SP110: variants seen among roughly 807,000 people sequenced by gnomAD.
SP110 encodes SP110 nuclear body protein.
A neutral mutation model predicts 92.7 loss-of-function variants in SP110; 62 were observed. The observed-to-expected ratio is 0.67, with a 90% CI of 0.55 to 0.83. The LOEUF (loss-of-function observed/expected upper bound fraction) is 0.83, where lower values mean the gene tolerates loss of function less well. SP110 is among the 40% of genes least tolerant of loss of function. SP110 has a pLI of 0.00. For synonymous variants in SP110, 273 were observed against 305.3 expected (o/e 0.89, Z 1.10); for missense variants, 793 against 863.9 (o/e 0.92, Z 1.03).
chr2:230,175,379 A>C (rs1313871877), intron 14 of SP110, among the ~76,000 whole-genome samples: 2 of 135,718 alleles, frequency 1.5e-5, no homozygotes, highest in Non-Finnish European at 1.7e-5. Context: ...ATTCTATAAG[A>C]AAAGTTTAAA....
intron 18 of SP110, among the ~76,000 whole-genome samples, chr2:230,170,413 A>G (rs1011320662): frequency 6.6e-6 from 1 of 151,864 alleles, no homozygotes; most frequent in Non-Finnish European, 1.5e-5. Context: ...CTTCTGTTCC[A>G]GAGATCCCTC....
At chr2:230,184,976 C>A (rs2042289943) in intron 11 of SP110, among the ~76,000 whole-genome samples, 1 of 152,224 alleles carries the variant, frequency 6.6e-6, no homozygotes. Flanking sequence ...GTATTTGCCT[C>A]TGGCTGCTGT....
At chr2:230,196,663 G>C (rs1284048868) in intron 10 of SP110, among the ~76,000 whole-genome samples, 1 of 151,736 alleles carries the variant, frequency 6.6e-6, no homozygotes, top group Non-Finnish European at 1.5e-5. Flanking sequence ...TTTAGCATTA[G>C]GTATATCTCC....
intron 11 of SP110, among the ~76,000 whole-genome samples, chr2:230,184,066 A>T (rs1047715782): frequency 6.6e-6 from 1 of 152,206 alleles, no homozygotes; most frequent in African/African-American, 2.4e-5. Flanking sequence ...GGCTGCGTAT[A>T]CAGCAGGACA....
rs952887597 is a variant in SP110 at position 230,168,351 on chromosome 2, G to A, written c.*773C>T. 1.3e-5 allele frequency: 2 copies of A among 151,650 alleles called. No homozygotes were observed. Among genetic ancestry groups the A allele is most frequent in the East Asian group, 1.9e-4 (1 of 5,192 alleles). The allele number at this position is 151,650 out of a possible 1,614,324, so 9.4% of individuals were successfully genotyped here. A position where few individuals can be genotyped will look rare whatever the true frequency, so the allele number is the denominator to read the frequency against. Reference sequence around the variant, plus strand: ...GTACAACCTGTATTTCAAGGTAACCGAATACTGTTAAAGAGAAGCTATTTG... The same window carrying A: ...GTACAACCTGTATTTCAAGGTAACCAAATACTGTTAAAGAGAAGCTATTTG... On this transcript the variant is annotated 3_prime_UTR_variant, in exon 19 of 19. Coordinates refer to ENST00000258381, the MANE Select transcript of SP110 (RefSeq NM_080424.4).
chr2:230,223,663 C>A (rs1316449280), upstream of SP110, among the ~76,000 whole-genome samples: 1 of 152,188 alleles, frequency 6.6e-6, no homozygotes, highest in Non-Finnish European at 1.5e-5. Context: ...GACATAAAAA[C>A]AGTGAACATC....
chr2:230,172,761 C>T (rs2078480319), intron 15 of SP110, 83 bp downstream of exon 15: 3 of 916,748 alleles, frequency 3.3e-6, no homozygotes, highest in East Asian at 2.5e-5. Context: ...GCGTCACACC[C>T]TCGTCCCCGA....
intron 7 of SP110, among the ~76,000 whole-genome samples, chr2:230,209,730 C>T (rs748669086): frequency 6.6e-6 from 1 of 152,116 alleles, no homozygotes; most frequent in Non-Finnish European, 1.5e-5. Context: ...ATTTCAATAC[C>T]CCCAAATGCC....
Position 230,200,979 on chromosome 2 carries a change from G to T in SP110, c.1049-14C>A. 1 of 1,602,404 alleles carries T rather than the reference G, an allele frequency of 6.2e-7. No homozygotes were observed. Among genetic ancestry groups the T allele is most frequent in the Non-Finnish European group, 8.6e-7 (1 of 1,169,286 alleles). Reference sequence around the variant, plus strand: ...CATCAATGATCTCTGGAAAATGAAAGATCTTAGTAAATGCCCCTTGGGAAA... The same window carrying T: ...CATCAATGATCTCTGGAAAATGAAATATCTTAGTAAATGCCCCTTGGGAAA... On this transcript the variant is annotated splice_polypyrimidine_tract_variant and intron_variant, in intron 9 of 18. Coordinates refer to ENST00000258381, the MANE Select transcript of SP110 (RefSeq NM_080424.4).
At chr2:230,191,722 A>G (rs936656505) in intron 10 of SP110, among the ~76,000 whole-genome samples, 1 of 152,184 alleles carries the variant, frequency 6.6e-6, no homozygotes, top group African/African-American at 2.4e-5. Flanking sequence ...AGCTGGTACC[A>G]TTACTTCTGA....
intron 10 of SP110, among the ~76,000 whole-genome samples, chr2:230,192,581 T>C (rs1248902956): frequency 6.6e-6 from 1 of 152,024 alleles, no homozygotes; most frequent in African/African-American, 2.4e-5. Flanking sequence ...TAACAGAGGA[T>C]GGGAAGGACC....
rs975851682 is a variant in SP110, at chr2:230,166,083, G to A, written c.*3041C>T. ...TAATTTTTGTATTTTTAGTAGAGAC[G>A]GGGTTTCACCACGTTGGTCAGGCTG... On this transcript the variant is annotated 3_prime_UTR_variant, in exon 19 of 19. Transcript: ENST00000258381. 2.0e-5 allele frequency among the ~76,000 whole-genome samples: 3 copies of A among 152,076 alleles called. No homozygotes were observed. Among genetic ancestry groups the A allele is most frequent in the East Asian group, 1.9e-4 (1 of 5,166 alleles).
intron 18 of SP110, among the ~76,000 whole-genome samples, chr2:230,170,110 A>T (rs1268857923): frequency 3.3e-5 from 5 of 152,234 alleles, no homozygotes; most frequent in Non-Finnish European, 5.9e-5. Flanking sequence ...GGATAGCTCA[A>T]CCAGCTGTCC....
upstream of SP110, among the ~76,000 whole-genome samples, chr2:230,221,281 G>GAA (rs113981247): frequency 3.6e-5 from 3 of 82,648 alleles, no homozygotes; most frequent in Non-Finnish European, 5.0e-5. Context: ...ACTCCATCTC[G>GAA]AAAAAAAAAA....
chr2:230,185,393 A>G (rs538551406), intron 11 of SP110, among the ~76,000 whole-genome samples: 1 of 152,342 alleles, frequency 6.6e-6, no homozygotes, highest in Admixed American at 6.5e-5. Context: ...TCACCTGCCA[A>G]GTGAAAAGAA....
Position 230,202,675 on chromosome 2 carries a change from C to T in SP110, c.952G>A (p.Val318Ile). 4 of 1,614,120 alleles carry T rather than the reference C, an allele frequency of 2.5e-6. No individual in the cohort carries two copies. The highest frequency in any genetic ancestry group is 3.4e-6 in the Non-Finnish European group (4 of 1,179,976). Reference protein sequence around the residue: ...IQKKLKRVDQVPQKKDDSTCN... With the variant: ...IQKKLKRVDQIPQKKDDSTCN... ...GTTGAGTCATCTTTCTTTTGAGGAACCTGATCCACCCTTTTGAGCTTCTTT... is the reference window on the plus strand; with the variant it reads ...GTTGAGTCATCTTTCTTTTGAGGAATCTGATCCACCCTTTTGAGCTTCTTT... The change falls in exon 9 of 19, where the codon GTT (valine) becomes ATT (isoleucine). Residue 318 changes from valine (V) to isoleucine (I), a missense_variant. Physicochemically the swap from Val to Ile is conservative, Grantham distance 29 (BLOSUM62 3). Coordinates refer to ENST00000258381, the MANE Select transcript of SP110 (RefSeq NM_080424.4).
At chr2:230,175,746 A>C (rs953272249) in intron 14 of SP110, among the ~76,000 whole-genome samples, 1 of 152,110 alleles carries the variant, frequency 6.6e-6, no homozygotes, top group Non-Finnish European at 1.5e-5. Context: ...CCAATAGATG[A>C]CTGCCATTTC....
chr2:230,225,065 T>C (rs998355475), intron 1 of SP110, among the ~76,000 whole-genome samples: 1 of 152,224 alleles, frequency 6.6e-6, no homozygotes, highest in Non-Finnish European at 1.5e-5. Context: ...CTTGAAGGTC[T>C]AGATAATCTC....
Position 230,169,198 on chromosome 2 carries a change from C to T in SP110, c.2068G>A (p.Glu690Lys). 1 of 1,613,986 alleles carries T rather than the reference C, an allele frequency of 6.2e-7. No individual in the cohort carries two copies. The highest frequency in any genetic ancestry group is 1.1e-5 in the South Asian group (1 of 91,072). Residue 690 changes from glutamate (E) to lysine (K), a missense_variant, in exon 19 of 19, where the codon GAA (glutamate) becomes AAA (lysine). Physicochemically the swap from Glu to Lys is moderately conservative, Grantham distance 56 (BLOSUM62 1). Transcript: ENST00000258381. ...FGQVGLDLEAEFEKDLKDVLG... is the reference protein window; with the variant it reads ...FGQVGLDLEAKFEKDLKDVLG... The stretch of plus-strand genomic sequence containing the variant: ...ACGTCTTTGAGATCTTTTTCAAATT[C>T]TGCCTCTAAGTCAAGTCCTACCTGG...
Sources: gnomAD v4.1 joint callset for allele counts (sites outside exome capture counted in the v4.1 genomes callset) on GRCh38, gnomAD v4.1.1 for gene constraint, MANE v1.5 for transcripts, NCBI Gene and HGNC (gene_info 2026-07-23, HGNC 2026-07-21) for gene names.